The following ARFGEF3 variants were observed in gnomAD, a reference collection of about 807,000 sequenced individuals.
The protein encoded by ARFGEF3 is brefeldin A-inhibited guanine nucleotide-exchange protein 3.
ARFGEF3 carries 96 observed loss-of-function variants against 221.7 expected under a neutral mutation model. The ratio of observed to expected loss-of-function variants is 0.43; its 90% confidence interval spans 0.37 to 0.51. ARFGEF3 has a LOEUF of 0.51. Ranked by LOEUF, ARFGEF3 falls within the 20% of genes least tolerant of loss-of-function variation. ARFGEF3 has a pLI of 0.00. For missense variants in ARFGEF3, 2,410 were observed against 2,789.9 expected (o/e 0.86, Z 3.07); for synonymous variants, 1,145 against 1,126.8 (o/e 1.02, Z -0.32).
Position 138,336,413 on chromosome 6 carries a change from C to G in ARFGEF3, c.6461C>G (p.Thr2154Ser), listed in dbSNP as rs757487711. The G allele has an allele frequency of 5.0e-6, 8 of 1,613,382 alleles. No individual in the cohort carries two copies. In the African/African-American group the frequency reaches 1.1e-4, roughly 22 times the overall value. Residue 2154 changes from threonine to serine, a missense_variant, in exon 34 of 34, where the codon ACC becomes AGC. By Grantham distance (58) the Thr-to-Ser change is moderately conservative. Transcript: ENST00000251691. Reference protein sequence around the residue: ...PCISQLTCHVTDIRVRQAVRE... With the variant: ...PCISQLTCHVSDIRVRQAVRE... Reference sequence around the variant, plus strand: ...ATCAGTCAGCTGACCTGTCACGTGACCGACATCAGAGTTCGCCAGGCTGTG... The same window carrying G: ...ATCAGTCAGCTGACCTGTCACGTGAGCGACATCAGAGTTCGCCAGGCTGTG...
chr6:138,275,257 G>T (rs1410251745), intron 12 of ARFGEF3, among the ~76,000 whole-genome samples: 1 of 152,134 alleles, frequency 6.6e-6, no homozygotes, highest in Non-Finnish European at 1.5e-5. Context: ...TGTTTCATAA[G>T]GCAGAGGTAA....
intron 8 of ARFGEF3, among the ~76,000 whole-genome samples, chr6:138,246,002 G>A (rs982138756): frequency 6.6e-6 from 1 of 152,182 alleles, no homozygotes; most frequent in Non-Finnish European, 1.5e-5. Flanking sequence ...AAATGACAGC[G>A]TTGGACTGTG....
intron 5 of ARFGEF3, among the ~76,000 whole-genome samples, chr6:138,230,173 A>G (rs926107849): frequency 8.5e-5 from 13 of 152,134 alleles, no homozygotes; most frequent in South Asian, 2.1e-4. Flanking sequence ...CCCACAATTC[A>G]TTGAAAAGCA....
At chr6:138,218,629 T>A in intron 4 of ARFGEF3, 1 of 785,536 alleles carries the variant, frequency 1.3e-6, no homozygotes, top group Non-Finnish European at 1.8e-6. Flanking sequence ...GTTTCAGATG[T>A]AGAGAATCAG....
At chr6:138,237,697 C>T (rs1054137625) in intron 5 of ARFGEF3, among the ~76,000 whole-genome samples, 10 of 152,044 alleles carry the variant, frequency 6.6e-5, no homozygotes, top group African/African-American at 2.4e-4. Context: ...GGGTTCCTCA[C>T]AGCAGCCTAG....
intron 26 of ARFGEF3, among the ~76,000 whole-genome samples, chr6:138,315,414 C>G (rs1779905767): frequency 6.6e-6 from 1 of 152,170 alleles, no homozygotes; most frequent in African/African-American, 2.4e-5. Flanking sequence ...TCAAATAGGT[C>G]TAACTTCTGG....
At position 138,208,861 on chromosome 6, in the gene ARFGEF3, C is replaced by G. The variant is rs115049889; in HGVS notation, c.220-1049C>G. On this transcript the variant is annotated intron_variant, in intron 3 of 33. Transcript: ENST00000251691. ...CATTTGGAGAGAACATTTGGAGGAG[C>G]CTGAGGAGGTTTAGTGTGGAGAAGA... is the stretch of plus-strand genomic sequence containing the variant. Among the ~76,000 whole-genome samples the G allele has an allele frequency of 1.7e-3, 260 of 152,092 alleles. 1 individual carries two copies. Among genetic ancestry groups the G allele is most frequent in the African/African-American group, 6.1e-3 (254 of 41,492 alleles).
In ARFGEF3 at chr6:138,263,023, A is replaced by G. The variant is rs908493580; in HGVS notation, c.1540A>G (p.Thr514Ala). The change falls in exon 12 of 34, where the codon ACC becomes GCC. Residue 514 changes from threonine to alanine, a missense_variant. Thr to Ala is a moderately conservative substitution (Grantham distance 58). Around this residue, in one of 5 missense-constraint regions of ARFGEF3, gnomAD observed 594 missense variants for 734.3 expected, o/e 0.81. Coordinates refer to ENST00000251691, the MANE Select transcript of ARFGEF3 (RefSeq NM_020340.5). ...SISVTTDTGQTTLEGELGQTT... is the reference protein window; with the variant it reads ...SISVTTDTGQATLEGELGQTT... ...CAGTGTCACCACAGACACAGGCCAG[A>G]CCACTCTCGAGGGAGAGTTGGGTCA... is the stretch of plus-strand genomic sequence containing the variant. 7 of 1,606,682 alleles carry G rather than the reference A, an allele frequency of 4.4e-6. No homozygotes were observed. In the African/African-American group the frequency reaches 9.4e-5, roughly 22 times the overall value.
chr6:138,205,117 A>G (rs1777604153), intron 2 of ARFGEF3, among the ~76,000 whole-genome samples: 1 of 152,164 alleles, frequency 6.6e-6, no homozygotes, highest in African/African-American at 2.4e-5. Flanking sequence ...AGGCGAACAT[A>G]TTGCTGCTTT....
At chr6:138,262,187 C>CTTTT (rs11393341) in intron 11 of ARFGEF3, among the ~76,000 whole-genome samples, 49 of 127,888 alleles carry the variant, frequency 3.8e-4, no homozygotes, top group Middle Eastern at 4.1e-3. Context: ...ATGCAGACCA[C>CTTTT]TTTTTTTTTT....
At chr6:138,165,794 A>C (rs542338642) in intron 1 of ARFGEF3, among the ~76,000 whole-genome samples, 3 of 152,232 alleles carry the variant, frequency 2.0e-5, no homozygotes, top group Non-Finnish European at 4.4e-5. Context: ...GGAGAGAGGC[A>C]TCATTCCTCA....
chr6:138,262,133 A>G (rs1778808470), intron 11 of ARFGEF3, among the ~76,000 whole-genome samples: 1 of 150,726 alleles, frequency 6.6e-6, no homozygotes, highest in Non-Finnish European at 1.5e-5. Flanking sequence ...AGGAGCTTCT[A>G]TTTGTACCCA....
chr6:138,162,278 T>C lies in ARFGEF3; in HGVS notation c.85+107T>C, dbSNP rs1776632423. 1.4e-6 allele frequency: 1 copy of C among 712,140 alleles called. No homozygotes were observed. Among genetic ancestry groups the C allele is most frequent in the South Asian group, 2.0e-5 (1 of 50,148 alleles). 44.1% of individuals were successfully genotyped at this position (712,140 alleles called of 1,614,324 possible). On this transcript the variant is annotated intron_variant, in intron 1 of 33. Transcript: ENST00000251691. This position sits in a 1 kb window ranked among gnomAD's most constrained non-coding sequence, Gnocchi z 4.7. The stretch of plus-strand genomic sequence containing the variant: ...GCGGAGCGTCGGTCATGGGTGCCGT[T>C]CTGGCGATTGCGAGAGTCGCCTCGG...
At position 138,162,216 on chromosome 6, in the gene ARFGEF3, C is replaced by T. The variant is rs751169199; in HGVS notation, c.85+45C>T. The T allele has an allele frequency of 6.7e-7, 1 of 1,493,164 alleles. No homozygotes were observed. Among genetic ancestry groups the T allele is most frequent in the South Asian group, 1.2e-5 (1 of 85,372 alleles). 92.5% of individuals were successfully genotyped at this position (1,493,164 alleles called of 1,614,324 possible). On this transcript the variant is annotated intron_variant, in intron 1 of 33. Coordinates refer to ENST00000251691, the MANE Select transcript of ARFGEF3 (RefSeq NM_020340.5). The surrounding 1 kb of genome is among the most constrained non-coding windows in gnomAD (Gnocchi z 4.7). ...TCGCCGCGGCGGGAGGGCCGCGCGG[C>T]CGGGGCTGAACCCGCGCCTCCGCGC... is the stretch of plus-strand genomic sequence containing the variant.
chr6:138,276,558 G>T lies in ARFGEF3; in HGVS notation c.2129-1893G>T, dbSNP rs188894284. The stretch of plus-strand genomic sequence containing the variant: ...GCTATTATTTAATGGTTTTTTTTTT[G>T]AAACTCTTTATTTCCTCATTTATTT... On this transcript the variant is annotated intron_variant, in intron 12 of 33. Coordinates refer to ENST00000251691, the MANE Select transcript of ARFGEF3 (RefSeq NM_020340.5). 2.7e-3 allele frequency among the ~76,000 whole-genome samples: 412 copies of T among 150,582 alleles called. 3 individuals carry two copies. Among genetic ancestry groups the T allele is most frequent in the African/African-American group, 6.3e-3 (258 of 41,072 alleles).
rs986920785 is a variant in ARFGEF3, at chr6:138,341,774, C to A, written c.*5288C>A. The stretch of plus-strand genomic sequence containing the variant: ...AATAACTTAAGATTTTGGAACAGAA[C>A]ACCCTTTAGATTTCCAAAACACAAT... On this transcript the variant is annotated 3_prime_UTR_variant, in exon 34 of 34. Coordinates refer to ENST00000251691, the MANE Select transcript of ARFGEF3 (RefSeq NM_020340.5). The A allele has an allele frequency of 6.6e-6, 1 of 152,126 alleles. No individual in the cohort carries two copies. The highest frequency in any genetic ancestry group is 2.4e-5 in the African/African-American group (1 of 41,402). The allele number at this position is 152,126 out of a possible 1,614,324, so 9.4% of individuals were successfully genotyped here. A position where few individuals can be genotyped will look rare whatever the true frequency, so the allele number is the denominator to read the frequency against.
At chr6:138,204,245 G>A (rs968515713) in intron 2 of ARFGEF3, among the ~76,000 whole-genome samples, 1 of 150,538 alleles carries the variant, frequency 6.6e-6, no homozygotes, top group Non-Finnish European at 1.5e-5. Context: ...GGCTGAGGCA[G>A]GAGAGTTGCT....
intron 6 of ARFGEF3, among the ~76,000 whole-genome samples, chr6:138,238,989 A>G (rs1406641099): frequency 6.6e-6 from 1 of 152,230 alleles, no homozygotes; most frequent in Non-Finnish European, 1.5e-5. Context: ...AGAATTTATT[A>G]CATGCTTTGA....
rs933711422 is a variant in ARFGEF3 at position 138,175,308 on chromosome 6, A to T, written c.137+4595A>T. ...CTTCCTGCCCTTAGTCTTGCTTTTG[A>T]TTTGGGGGTGAGTTTTAAGGGTCCT... On this transcript the variant is annotated intron_variant, in intron 2 of 33. Transcript: ENST00000251691. Among the ~76,000 whole-genome samples, 5 of 152,022 alleles carry T rather than the reference A, an allele frequency of 3.3e-5. 1 individual carries two copies. The highest frequency in any genetic ancestry group is 6.5e-5 in the Admixed American group (1 of 15,274).
Sources: gnomAD v4.1 joint callset for allele counts (sites outside exome capture counted in the v4.1 genomes callset) on GRCh38, gnomAD v4.1.1 for gene constraint, gnomAD v4.1.1 regional missense constraint, Gnocchi (gnomAD v3.1) non-coding constraint, MANE v1.5 for transcripts, NCBI Gene and HGNC (gene_info 2026-07-23, HGNC 2026-07-21) for gene names.